Variants in MTR observed in about 807,000 individuals in gnomAD.
MTR encodes the protein 5-methyltetrahydrofolate-homocysteine methyltransferase.
A neutral mutation model predicts 154.8 loss-of-function variants in MTR; 84 were observed. The ratio of observed to expected loss-of-function variants is 0.54; its 90% CI spans 0.45 to 0.65. The LOEUF is 0.65. MTR is among the 30% of genes least tolerant of loss of function. The pLI is 0.00. For missense variants in MTR, 1,275 were observed against 1,570.2 expected (o/e 0.81, Z 3.18); for synonymous variants, 554 against 553.9 (o/e 1.00, Z 0.00).
chr1:236,801,619 A>G (rs930925513), intron 1 of MTR, among the ~76,000 whole-genome samples: 1 of 152,270 alleles, frequency 6.6e-6, no homozygotes, highest in African/African-American at 2.4e-5. Flanking sequence ...TGTCATTTCA[A>G]TTAAAGAAAT....
At position 236,813,977 on chromosome 1, in the gene MTR, A is replaced by C. The variant is rs16834418; in HGVS notation, c.609+1133A>C. 0.31 allele frequency among the ~76,000 whole-genome samples: 47,490 copies of C among 152,062 alleles called. 9,132 individuals carry two copies. Among genetic ancestry groups the C allele is most frequent in the Non-Finnish European group, 0.41 (27,716 of 67,952 alleles). ...ACAGAGCCACTCCTCAGTTGAAGAG[A>C]AGAAAAAAATGGAAAAATGGCCTTT... is the stretch of plus-strand genomic sequence containing the variant. On this transcript the variant is annotated intron_variant, in intron 6 of 32. Transcript: ENST00000366577.
chr1:236,869,834 C>T (rs1665026839), intron 22 of MTR, among the ~76,000 whole-genome samples: 1 of 152,194 alleles, frequency 6.6e-6, no homozygotes, highest in African/African-American at 2.4e-5. Context: ...TCTGGGCCCT[C>T]ATAGTGCTGG....
At chr1:236,885,799 A>G (rs893723018) in intron 26 of MTR, among the ~76,000 whole-genome samples, 1 of 152,130 alleles carries the variant, frequency 6.6e-6, no homozygotes, top group Non-Finnish European at 1.5e-5. Context: ...GCATTTTGGG[A>G]GTTGCTAGGC....
chr1:236,842,166 C>T (rs1488568278), intron 15 of MTR, among the ~76,000 whole-genome samples: 1 of 152,214 alleles, frequency 6.6e-6, no homozygotes, highest in African/African-American at 2.4e-5. Context: ...GCTGGGATTA[C>T]AGGCGTGAGC....
chr1:236,813,328 GGA>G (rs200403685), intron 6 of MTR, among the ~76,000 whole-genome samples: 2,635 of 152,306 alleles, frequency 0.017, 40 homozygotes, highest in Non-Finnish European at 0.025. Flanking sequence ...AAGTGTATAT[GGA>G]GAGAGAAGCA....
Position 236,838,409 on chromosome 1 carries a change from C to G in MTR, c.1330-5C>G, listed in dbSNP as rs372302445. 2 of 1,614,074 alleles carry G rather than the reference C, an allele frequency of 1.2e-6. No homozygotes were observed. Among genetic ancestry groups the G allele is most frequent in the Non-Finnish European group, 1.7e-6 (2 of 1,179,988 alleles). Reference sequence around the variant, plus strand: ...TGTGTGATTTTCTTGCCTTTCTGATCTCAGGTACCTTTGTGCATCGACTCC... The same window carrying G: ...TGTGTGATTTTCTTGCCTTTCTGATGTCAGGTACCTTTGTGCATCGACTCC... On this transcript the variant is annotated splice_region_variant and splice_polypyrimidine_tract_variant and intron_variant, in intron 14 of 32. Transcript: ENST00000366577.
intron 23 of MTR, 42 bp from the exon 24 acceptor site, chr1:236,874,684 C>G: frequency 6.8e-7 from 1 of 1,475,856 alleles, no homozygotes; most frequent in Non-Finnish European, 9.1e-7. Flanking sequence ...ATCTTCCTCA[C>G]TGTCCTTTTT....
chr1:236,894,562 G>C lies in MTR; in HGVS notation c.3405+5G>C. Reference sequence around the variant, plus strand: ...CTGGGGGACCGGCTGGCAGAGGTAAGGCAGAGGCATTGCGCCGAGGGGCTG... The same window carrying C: ...CTGGGGGACCGGCTGGCAGAGGTAACGCAGAGGCATTGCGCCGAGGGGCTG... On this transcript the variant is annotated splice_donor_5th_base_variant and intron_variant, in intron 30 of 32. Transcript: ENST00000366577. 1 of 1,613,958 alleles carries C rather than the reference G, an allele frequency of 6.2e-7. No homozygotes were observed. The highest frequency in any genetic ancestry group is 1.1e-5 in the South Asian group (1 of 91,084).
Position 236,880,806 on chromosome 1 carries a change from T to C in MTR, c.2646T>C (p.His882=), listed in dbSNP as rs751571930. ...CGAGATACAGTGCACCTGTAATCCA[T>C]GTCCTGGACGCGTCCAAGAGTGTGG... ...IAPRYSAPVI[H]VLDASKSVVV... The change falls in exon 25 of 33, where the codon CAT becomes CAC. Residue 882 remains histidine, a synonymous_variant. Coordinates refer to ENST00000366577, the MANE Select transcript of MTR (RefSeq NM_000254.3). 2 of 1,614,240 alleles carry C rather than the reference T, an allele frequency of 1.2e-6. No individual in the cohort carries two copies. The highest frequency in any genetic ancestry group is 1.7e-6 in the Non-Finnish European group (2 of 1,180,028).
intron 15 of MTR, among the ~76,000 whole-genome samples, chr1:236,848,776 G>A (rs890559556): frequency 3.3e-5 from 5 of 152,132 alleles, no homozygotes; most frequent in Admixed American, 6.5e-5. Flanking sequence ...CAGCTGCAGA[G>A]AGCGATTAAA....
chr1:236,893,434 C>T (rs1666445411), intron 29 of MTR, among the ~76,000 whole-genome samples: 1 of 152,152 alleles, frequency 6.6e-6, no homozygotes, highest in Non-Finnish European at 1.5e-5. Flanking sequence ...TGGTACCAGC[C>T]CCCTGGCCCC....
Position 236,850,521 on chromosome 1 carries a change from A to G in MTR, c.1693A>G (p.Lys565Glu). The G allele has an allele frequency of 6.2e-7, 1 of 1,613,578 alleles. No homozygotes were observed. The change falls in exon 16 of 33, where the codon AAA becomes GAA. Residue 565 changes from lysine (K) to glutamate (E), a missense_variant and splice_region_variant. Physicochemically the swap from Lys to Glu is moderately conservative, Grantham distance 56 (BLOSUM62 1). Coordinates refer to ENST00000366577, the MANE Select transcript of MTR (RefSeq NM_000254.3). ...TTTTATCCATGCAACAAAAGTCATT[A>G]AAGTAAGTGTAGGCATGTTCTCTCC... ...INFIHATKVI[K>E]ETLPGARISG...
chr1:236,860,820 A>G (rs763274866), intron 19 of MTR, among the ~76,000 whole-genome samples: 9 of 152,216 alleles, frequency 5.9e-5, no homozygotes, highest in Non-Finnish European at 1.3e-4. Context: ...ACTGCATACA[A>G]CATTCTGTTT....
chr1:236,797,323 G>A (rs544444426), intron 1 of MTR, among the ~76,000 whole-genome samples: 3 of 152,306 alleles, frequency 2.0e-5, no homozygotes, highest in African/African-American at 7.2e-5. Context: ...TGATTCTCAA[G>A]GTTGGGCCTT....
chr1:236,797,019 A>T (rs368576022), intron 1 of MTR, among the ~76,000 whole-genome samples: 1,441 of 126,734 alleles, frequency 0.011, 21 homozygotes, highest in African/African-American at 0.052. Context: ...TGAGTGATTT[A>T]AAAAAAAAAA....
intron 1 of MTR, among the ~76,000 whole-genome samples, chr1:236,800,781 A>G (rs1660660527): frequency 6.6e-6 from 1 of 152,188 alleles, no homozygotes. Context: ...TCAAACACCA[A>G]TGTCTCATTT....
chr1:236,858,915 C>T (rs1664361551), intron 18 of MTR, among the ~76,000 whole-genome samples: 2 of 152,182 alleles, frequency 1.3e-5, no homozygotes, highest in African/African-American at 4.8e-5. Context: ...TGAAACTTTT[C>T]TTTGCCACCT....
chr1:236,861,138 A>G lies in MTR; in HGVS notation c.2057A>G (p.His686Arg), dbSNP rs758672967. 2 of 1,584,320 alleles carry G rather than the reference A, an allele frequency of 1.3e-6. No individual in the cohort carries two copies. Among genetic ancestry groups the G allele is most frequent in the South Asian group, 2.3e-5 (2 of 85,430 alleles). ...TGTCTTTTTTAGGGCATTGAAAAACATATTATTGAGGATACTGAGGAAGCC... is the reference window on the plus strand; with the variant it reads ...TGTCTTTTTTAGGGCATTGAAAAACGTATTATTGAGGATACTGAGGAAGCC... ...EYALVKGIEK[H>R]IIEDTEEARL... is the part of the protein sequence containing the mutation. The change falls in exon 20 of 33, where the codon CAT becomes CGT. Residue 686 changes from histidine (H) to arginine (R), a missense_variant. Transcript: ENST00000366577.
chr1:236,815,069 C>T (rs1191092116), intron 6 of MTR, among the ~76,000 whole-genome samples: 1 of 152,226 alleles, frequency 6.6e-6, no homozygotes, highest in East Asian at 1.9e-4. Flanking sequence ...TGTACCTTTA[C>T]TACCTAATCT....
Sources: allele counts gnomAD v4.1 joint callset (sites outside exome capture counted in the v4.1 genomes callset), GRCh38; gene constraint gnomAD v4.1.1; transcripts MANE v1.5; gene names NCBI Gene and HGNC (gene_info 2026-07-23, HGNC 2026-07-21).